Variants in PCDHA4 observed in about 807,000 individuals in gnomAD.
PCDHA4 encodes protocadherin alpha-4.
In PCDHA4, 49 loss-of-function variants were observed where a neutral mutation model predicts 61.4. The observed-to-expected ratio is 0.80, with a 90% CI of 0.63 to 1.01. PCDHA4 has a LOEUF of 1.01. PCDHA4 is among the 50% of genes least tolerant of loss of function. The probability of loss-of-function intolerance (pLI) is 0.00; values close to 1 mark genes in which losing one functional copy is unlikely to be tolerated. For synonymous variants in PCDHA4, 590 were observed against 550.3 expected (o/e 1.07, Z -1.01); for missense variants, 1,254 against 1,235.8 (o/e 1.01, Z -0.22).
chr5:140,967,364 C>T, intron 1 of PCDHA4: 2 of 1,607,620 alleles, frequency 1.2e-6, no homozygotes, highest in Non-Finnish European at 1.7e-6. Flanking sequence ...CCTTAAGCCC[C>T]TGCAGGAGAA....
intron 1 of PCDHA4, chr5:140,848,313 C>A: frequency 2.7e-6 from 2 of 730,622 alleles, no homozygotes; most frequent in Non-Finnish European, 4.5e-6. Flanking sequence ...CACTCTTTGC[C>A]GCGATGTTCT....
intron 1 of PCDHA4, chr5:140,877,468 C>A (rs781957457): frequency 6.2e-7 from 1 of 1,613,810 alleles, no homozygotes; most frequent in South Asian, 1.1e-5. Flanking sequence ...GGCCACGGTG[C>A]TGGTGTCGCT....
chr5:140,906,377 A>G (rs1322510294), intron 1 of PCDHA4, among the ~76,000 whole-genome samples: 3 of 152,264 alleles, frequency 2.0e-5, no homozygotes, highest in Admixed American at 6.5e-5. Flanking sequence ...ATGCTATTAC[A>G]TAAAGTTAAC....
chr5:140,932,687 T>A (rs1285364025), intron 1 of PCDHA4, among the ~76,000 whole-genome samples: 2 of 151,810 alleles, frequency 1.3e-5, no homozygotes, highest in Non-Finnish European at 2.9e-5. Context: ...TATATTCAAA[T>A]TAAAAAACTC....
At position 140,881,347 on chromosome 5, in the gene PCDHA4, C is replaced by A; in HGVS notation, c.2385+71775C>A. 3 of 985,212 alleles carry A rather than the reference C, an allele frequency of 3.0e-6. No homozygotes were observed. In the African/African-American group the frequency reaches 5.2e-5, roughly 17 times the overall value. 61.0% of individuals were successfully genotyped at this position (985,212 alleles called of 1,614,324 possible). ...TTAACCAGGACGCCGATTCGGGCTA[C>A]AATGCGTGGCTTTCGTATGAATTGC... On this transcript the variant is annotated intron_variant, in intron 1 of 3. Transcript: ENST00000530339.
At chr5:140,874,305 A>G (rs2054830761) in intron 1 of PCDHA4, among the ~76,000 whole-genome samples, 1 of 152,116 alleles carries the variant, frequency 6.6e-6, no homozygotes, top group Non-Finnish European at 1.5e-5. Context: ...CTTGTTCACA[A>G]TGAGTTGTAG....
chr5:140,918,115 A>T (rs185486488), intron 1 of PCDHA4, among the ~76,000 whole-genome samples: 1 of 152,080 alleles, frequency 6.6e-6, no homozygotes, highest in East Asian at 1.9e-4. Context: ...CACATCCTTG[A>T]TTAGCCATAT....
chr5:140,871,106 T>C (rs1554165125), intron 1 of PCDHA4: 1 of 1,613,128 alleles, frequency 6.2e-7, no homozygotes, highest in African/African-American at 1.3e-5. Context: ...CTGGTGTCGT[T>C]GGTGGAGAGC....
At chr5:140,819,877 T>G (rs911767845) in intron 1 of PCDHA4, among the ~76,000 whole-genome samples, 1 of 152,046 alleles carries the variant, frequency 6.6e-6, no homozygotes, top group African/African-American at 2.4e-5. Flanking sequence ...TACTCAGTAT[T>G]TATCATAATA....
intron 1 of PCDHA4, among the ~76,000 whole-genome samples, chr5:140,886,497 T>A (rs2061000599): frequency 6.6e-6 from 1 of 152,160 alleles, no homozygotes; most frequent in Non-Finnish European, 1.5e-5. Context: ...TATATCTTTT[T>A]CCTTTTATGG....
intron 1 of PCDHA4, among the ~76,000 whole-genome samples, chr5:140,973,634 C>T (rs2096596343): frequency 6.6e-6 from 1 of 152,220 alleles, no homozygotes; most frequent in African/African-American, 2.4e-5. Flanking sequence ...ATCTTGTACA[C>T]ATTCTGACTG....
Position 141,009,722 on chromosome 5 carries a change from G to T in PCDHA4, c.2629G>T (p.Gly877Cys), listed in dbSNP as rs552954748. 6.8e-6 allele frequency: 11 copies of T among 1,614,022 alleles called. No individual in the cohort carries two copies. The highest frequency in any genetic ancestry group is 9.3e-6 in the Non-Finnish European group (11 of 1,180,046). Residue 877 changes from glycine (G) to cysteine (C), a missense_variant, in exon 4 of 4, where the codon GGT becomes TGT. Gly to Cys is a radical substitution (Grantham distance 159). Transcript: ENST00000530339. ...CGGACCAGGCAACCCCAAACAATCC[G>T]GTCCCGGTGAGTTGCCCGACAAATT... ...KYGPGNPKQS[G>C]PGELPDKFII...
At position 140,825,344 on chromosome 5, in the gene PCDHA4, A is replaced by G. The variant is rs1426707045; in HGVS notation, c.2385+15772A>G. ...TGGAAATTTGCATATTTTTCAATATATCTAATATATATTAGATATATAAAT... is the reference window on the plus strand; with the variant it reads ...TGGAAATTTGCATATTTTTCAATATGTCTAATATATATTAGATATATAAAT... On this transcript the variant is annotated intron_variant, in intron 1 of 3. Transcript: ENST00000530339. 2.0e-5 allele frequency: 3 copies of G among 147,914 alleles called. No individual in the cohort carries two copies. In the East Asian group the frequency reaches 5.8e-4, roughly 29 times the overall value. The allele number at this position is 147,914 out of a possible 1,614,324, so 9.2% of individuals were successfully genotyped here.
At chr5:140,960,186 G>A (rs2153724328) in intron 1 of PCDHA4, among the ~76,000 whole-genome samples, 1 of 152,260 alleles carries the variant, frequency 6.6e-6, no homozygotes, top group East Asian at 1.9e-4. Flanking sequence ...GGGGTTGCAT[G>A]TGTAGTGGTC....
At chr5:140,943,479 TAATA>T (rs1447671932) in intron 1 of PCDHA4, among the ~76,000 whole-genome samples, 1 of 151,960 alleles carries the variant, frequency 6.6e-6, no homozygotes, top group African/African-American at 2.4e-5. Context: ...TACAGTAAAA[TAATA>T]AATAGATGCT....
chr5:140,824,033 G>A, intron 1 of PCDHA4: 2 of 1,614,182 alleles, frequency 1.2e-6, no homozygotes, highest in Non-Finnish European at 1.7e-6. Context: ...TCGCAGCAGA[G>A]GAGACAGAGG....
intron 2 of PCDHA4, among the ~76,000 whole-genome samples, chr5:140,981,776 A>T (rs908868836): frequency 2.4e-4 from 36 of 151,980 alleles, no homozygotes; most frequent in African/African-American, 8.0e-4. Context: ...TGAATACTGC[A>T]CCATGTTCTC....
intron 1 of PCDHA4, among the ~76,000 whole-genome samples, chr5:140,952,415 C>T (rs138050953): frequency 7.9e-4 from 120 of 152,134 alleles, no homozygotes; most frequent in Admixed American, 1.6e-3. Context: ...TTTAATGTTC[C>T]GCAGATTCCT....
intron 3 of PCDHA4, among the ~76,000 whole-genome samples, chr5:141,001,540 G>A (rs1318714170): frequency 6.6e-6 from 1 of 152,174 alleles, no homozygotes; most frequent in African/African-American, 2.4e-5. Flanking sequence ...TCCTGGACAG[G>A]ATTTGGGTTT....
Sources: allele counts gnomAD v4.1 joint callset (sites outside exome capture counted in the v4.1 genomes callset), GRCh38; gene constraint gnomAD v4.1.1; transcripts MANE v1.5; gene names NCBI Gene and HGNC (gene_info 2026-07-23, HGNC 2026-07-21).